Variants in NRXN1 observed in about 807,000 individuals in gnomAD.
NRXN1 encodes neurexin 1.
Under a neutral mutation model 150.9 loss-of-function variants are expected in NRXN1, and 39 were observed. The observed-to-expected ratio is 0.26, with a 90% confidence interval of 0.20 to 0.34. The LOEUF (loss-of-function observed/expected upper bound fraction) is 0.34. Among genes scored for constraint, NRXN1 ranks in the 10% least tolerant of loss-of-function variants. The probability of loss-of-function intolerance (pLI) is 1.00; values close to 1 mark genes in which losing one functional copy is unlikely to be tolerated. For synonymous variants in NRXN1, 924 were observed against 757.0 expected, an observed-to-expected ratio of 1.22 and a Z score of -3.62; for missense variants, 1,815 against 1,949.9, an observed-to-expected ratio of 0.93 and a Z score of 1.30.
chr2:50,967,234 C>T (rs377659480), intron 2 of NRXN1, among the ~76,000 whole-genome samples: 2 of 151,896 alleles, frequency 1.3e-5, no homozygotes. Flanking sequence ...ACATAAAACA[C>T]TTACATTTGA....
intron 2 of NRXN1, among the ~76,000 whole-genome samples, chr2:50,968,819 G>A (rs1003503815): frequency 6.6e-6 from 1 of 151,848 alleles, no homozygotes; most frequent in Non-Finnish European, 1.5e-5. Context: ...TCTGTTTAAA[G>A]ACACCAGTAA....
In NRXN1 at chr2:49,919,210, G is replaced by T. The variant is rs1254570421; in HGVS notation, c.*2734C>A. The T allele has an allele frequency of 6.6e-6, 1 of 152,124 alleles. No individual in the cohort carries two copies. The highest frequency in any genetic ancestry group is 1.9e-4 in the East Asian group (1 of 5,194). 9.4% of individuals were successfully genotyped at this position (152,124 alleles called of 1,614,324 possible). A position where few individuals can be genotyped will look rare whatever the true frequency, so the allele number is the denominator to read the frequency against. On this transcript the variant is annotated 3_prime_UTR_variant, in exon 23 of 23. Coordinates refer to ENST00000401669, the MANE Select transcript of NRXN1 (RefSeq NM_001330078.2). ...AAATCCTCAATCAACTGCAAACTAT[G>T]CAGGGAACCCTGATATGTTTGGTAT...
intron 15 of NRXN1, among the ~76,000 whole-genome samples, chr2:50,484,581 C>T (rs930447544): frequency 7.2e-5 from 11 of 152,158 alleles, no homozygotes; most frequent in Non-Finnish European, 1.2e-4. Context: ...CCCCCAATCA[C>T]CCAACCAAGT....
chr2:50,084,479 A>G (rs1055137820), intron 19 of NRXN1, among the ~76,000 whole-genome samples: 1 of 152,168 alleles, frequency 6.6e-6, no homozygotes. Flanking sequence ...GCCGGGGCCC[A>G]CAGGGCCGGC....
chr2:50,496,958 G>C (rs2091669473), intron 14 of NRXN1, among the ~76,000 whole-genome samples: 1 of 152,106 alleles, frequency 6.6e-6, no homozygotes, highest in South Asian at 2.1e-4. Context: ...TAAACAATCT[G>C]AGTACTTGAA....
chr2:50,914,522 A>C (rs1684951719), intron 5 of NRXN1, among the ~76,000 whole-genome samples: 1 of 151,686 alleles, frequency 6.6e-6, no homozygotes, highest in African/African-American at 2.4e-5. Flanking sequence ...TTTAAGACTG[A>C]GATAATTAGA....
At chr2:50,558,867 G>A (rs1418135666) in intron 8 of NRXN1, among the ~76,000 whole-genome samples, 1 of 152,098 alleles carries the variant, frequency 6.6e-6, no homozygotes, top group Non-Finnish European at 1.5e-5. Flanking sequence ...ACGAGGTCAG[G>A]AGATCGAGAT....
chr2:50,647,456 C>A lies in NRXN1; in HGVS notation c.833-23841G>T, dbSNP rs185402628. 1.8e-3 allele frequency among the ~76,000 whole-genome samples: 280 copies of A among 151,886 alleles called. 1 individual carries two copies. The highest frequency in any genetic ancestry group is 6.3e-3 in the African/African-American group (261 of 41,452). ...AAATGTTACTATTTTATAAGACATCCAAAGAAATACACAGGAAAACAAAAT... is the reference window on the plus strand; with the variant it reads ...AAATGTTACTATTTTATAAGACATCAAAAGAAATACACAGGAAAACAAAAT... On this transcript the variant is annotated intron_variant, in intron 5 of 22. Coordinates refer to ENST00000401669, the MANE Select transcript of NRXN1 (RefSeq NM_001330078.2).
At chr2:50,011,019 TATTA>T (rs958576282) in intron 21 of NRXN1, among the ~76,000 whole-genome samples, 19 of 152,298 alleles carry the variant, frequency 1.2e-4, no homozygotes, top group African/African-American at 4.6e-4. Flanking sequence ...TTTCCAAAAT[TATTA>T]ATTAACAACT....
intron 17 of NRXN1, among the ~76,000 whole-genome samples, chr2:50,254,802 C>T (rs940890599): frequency 2.0e-5 from 3 of 151,994 alleles, no homozygotes; most frequent in South Asian, 2.1e-4. Flanking sequence ...TATCTATCCA[C>T]ATTTATTTTT....
intron 21 of NRXN1, among the ~76,000 whole-genome samples, chr2:49,962,643 G>A (rs1203873593): frequency 6.6e-6 from 1 of 152,112 alleles, no homozygotes; most frequent in African/African-American, 2.4e-5. Flanking sequence ...GGAGTCCTGT[G>A]GTAACGGTAG....
chr2:50,276,100 A>C (rs761327916), intron 17 of NRXN1, among the ~76,000 whole-genome samples: 3 of 151,982 alleles, frequency 2.0e-5, no homozygotes, highest in Non-Finnish European at 2.9e-5. Context: ...AGCAGGGCTT[A>C]CTCAACCATA....
At chr2:50,534,469 T>C (rs951675968) in intron 10 of NRXN1, among the ~76,000 whole-genome samples, 10 of 152,270 alleles carry the variant, frequency 6.6e-5, no homozygotes, top group Non-Finnish European at 1.5e-4. Context: ...ATCCCAGTGG[T>C]CAAAGACCAG....
chr2:50,013,811 C>CT (rs1686107878), intron 21 of NRXN1, among the ~76,000 whole-genome samples: 1 of 152,092 alleles, frequency 6.6e-6, no homozygotes, highest in South Asian at 2.1e-4. Flanking sequence ...TAATGAAAGA[C>CT]ATTTCTTATT....
chr2:49,941,356 AG>A (rs1671941684), intron 22 of NRXN1, among the ~76,000 whole-genome samples: 1 of 150,824 alleles, frequency 6.6e-6, no homozygotes, highest in Admixed American at 6.6e-5. Context: ...CGATGGCAAA[AG>A]GGTTACCCCA....
At chr2:50,456,112 T>G (rs1015462310) in intron 17 of NRXN1, among the ~76,000 whole-genome samples, 6 of 152,292 alleles carry the variant, frequency 3.9e-5, no homozygotes, top group African/African-American at 1.2e-4. Flanking sequence ...ATAAGAAGTG[T>G]TCACACCTAC....
intron 19 of NRXN1, among the ~76,000 whole-genome samples, chr2:50,072,993 AT>A (rs1696529998): frequency 6.6e-6 from 1 of 152,240 alleles, no homozygotes; most frequent in African/African-American, 2.4e-5. Flanking sequence ...ACTTAAAAAA[AT>A]GCTTATGAAA....
intron 5 of NRXN1, among the ~76,000 whole-genome samples, chr2:50,884,155 A>C (rs1441527189): frequency 6.6e-6 from 1 of 151,846 alleles, no homozygotes; most frequent in African/African-American, 2.4e-5. Context: ...ACAAGAAATT[A>C]GAAGTCAAAA....
At chr2:49,930,996 T>G (rs1378776826) in intron 22 of NRXN1, among the ~76,000 whole-genome samples, 1 of 152,164 alleles carries the variant, frequency 6.6e-6, no homozygotes, top group African/African-American at 2.4e-5. Flanking sequence ...TAGTTGGGCA[T>G]AGTGGTGCAC....
Sources: gnomAD v4.1 joint callset for allele counts (sites outside exome capture counted in the v4.1 genomes callset) on GRCh38, gnomAD v4.1.1 for gene constraint, MANE v1.5 for transcripts, NCBI Gene and HGNC (gene_info 2026-07-23, HGNC 2026-07-21) for gene names.